The following ATF3 variants were observed in gnomAD, a reference collection of about 807,000 sequenced individuals.
ATF3 encodes the protein cyclic AMP-dependent transcription factor ATF-3.
A neutral mutation model predicts 18.4 loss-of-function variants in ATF3; 10 were observed. The observed-to-expected ratio is 0.54, with a 90% CI of 0.34 to 0.92. The LOEUF is 0.92. Among genes scored for constraint, ATF3 ranks in the 40% least tolerant of loss-of-function variants. The pLI is 0.02. For missense variants in ATF3, 183 were observed against 222.3 expected (o/e 0.82, Z 1.12); for synonymous variants, 78 against 87.9 (o/e 0.89, Z 0.63).
chr1:212,575,785 A>G (rs980679377), intron 1 of ATF3, among the ~76,000 whole-genome samples: 1 of 152,184 alleles, frequency 6.6e-6, no homozygotes, highest in Non-Finnish European at 1.5e-5. Context: ...AAGATAAAAG[A>G]TAAAGGAAAA....
chr1:212,576,109 A>C (rs1001681429), intron 1 of ATF3, among the ~76,000 whole-genome samples: 6 of 152,158 alleles, frequency 3.9e-5, no homozygotes, highest in African/African-American at 1.4e-4. Flanking sequence ...AGATGGAAGA[A>C]CTTTTGATTA....
chr1:212,599,964 G>A (rs942810694), intron 1 of ATF3, among the ~76,000 whole-genome samples: 6 of 152,204 alleles, frequency 3.9e-5, no homozygotes, highest in Non-Finnish European at 7.3e-5. Flanking sequence ...CGAAAGTGAG[G>A]GAAGCTCAGT....
At chr1:212,575,753 C>G (rs1664566679) in intron 1 of ATF3, among the ~76,000 whole-genome samples, 1 of 152,082 alleles carries the variant, frequency 6.6e-6, no homozygotes, top group Non-Finnish European at 1.5e-5. Flanking sequence ...AATGCCTTTT[C>G]TGCATTTCTT....
chr1:212,566,310 T>C (rs1358775931), intron 1 of ATF3, among the ~76,000 whole-genome samples: 1 of 152,142 alleles, frequency 6.6e-6, no homozygotes, highest in Non-Finnish European at 1.5e-5. Context: ...GGTTCTGTTG[T>C]TGGCACACCA....
intron 1 of ATF3, among the ~76,000 whole-genome samples, chr1:212,572,464 A>G (rs1364065884): frequency 1.3e-5 from 2 of 152,216 alleles, no homozygotes; most frequent in African/African-American, 2.4e-5. Flanking sequence ...GGTTGCAGTG[A>G]GCTGAGATTG....
chr1:212,609,823 C>T (rs1055494111), intron 1 of ATF3, among the ~76,000 whole-genome samples: 3 of 152,228 alleles, frequency 2.0e-5, no homozygotes, highest in Admixed American at 6.5e-5. Context: ...GCTTACACTG[C>T]AATCGATGTC....
chr1:212,616,280 CA>C (rs1322404497), intron 2 of ATF3, among the ~76,000 whole-genome samples: 1 of 151,338 alleles, frequency 6.6e-6, no homozygotes, highest in Non-Finnish European at 1.5e-5. Flanking sequence ...AACACACACA[CA>C]CACACACAGA....
At chr1:212,587,337 T>C (rs1664798413) in intron 1 of ATF3, among the ~76,000 whole-genome samples, 1 of 152,262 alleles carries the variant, frequency 6.6e-6, no homozygotes, top group African/African-American at 2.4e-5. Flanking sequence ...TATGGAAAGC[T>C]GACCTGAGAA....
Position 212,619,638 on chromosome 1 carries a change from T to C in ATF3, c.*83T>C. 1 of 1,544,454 alleles carries C rather than the reference T, an allele frequency of 6.5e-7. No individual in the cohort carries two copies. Among genetic ancestry groups the C allele is most frequent in the East Asian group, 2.3e-5 (1 of 42,658 alleles). ...AAACCCTGAAGCCATTGGAGAGCTG[T>C]CTTCCTGTGTACCTCTAGAATCCCA... On this transcript the variant is annotated 3_prime_UTR_variant, in exon 4 of 4. Coordinates refer to ENST00000341491, the MANE Select transcript of ATF3 (RefSeq NM_001674.4). The surrounding 1 kb of genome is among the most constrained non-coding windows in gnomAD (Gnocchi z 4.4).
At chr1:212,591,713 G>T (rs1032464847) in intron 1 of ATF3, among the ~76,000 whole-genome samples, 6 of 152,258 alleles carry the variant, frequency 3.9e-5, no homozygotes, top group Middle Eastern at 3.4e-3. Context: ...TCATATACCT[G>T]AAATCCAGCT....
At chr1:212,588,811 T>C (rs997349514) in intron 1 of ATF3, among the ~76,000 whole-genome samples, 1 of 152,186 alleles carries the variant, frequency 6.6e-6, no homozygotes, top group African/African-American at 2.4e-5. Flanking sequence ...TCTTTCTTAT[T>C]TTGGACATTT....
At chr1:212,576,387 T>C (rs1048061600) in intron 1 of ATF3, among the ~76,000 whole-genome samples, 7 of 152,150 alleles carry the variant, frequency 4.6e-5, no homozygotes, top group Middle Eastern at 3.4e-3. Context: ...TTCAAAAAAC[T>C]AACTTTGTGT....
intron 1 of ATF3, among the ~76,000 whole-genome samples, chr1:212,590,151 A>T (rs998092660): frequency 1.3e-5 from 2 of 152,150 alleles, no homozygotes; most frequent in Admixed American, 6.5e-5. Context: ...TTTGTAAAAC[A>T]ATATAGGAAC....
upstream of ATF3, among the ~76,000 whole-genome samples, chr1:212,607,723 C>A (rs943275887): frequency 6.6e-6 from 1 of 152,330 alleles, no homozygotes; most frequent in Middle Eastern, 3.4e-3. Context: ...GCGGGGCGAC[C>A]CCCAGGCCTG....
At chr1:212,589,556 C>T (rs556362246) in intron 1 of ATF3, among the ~76,000 whole-genome samples, 2 of 152,100 alleles carry the variant, frequency 1.3e-5, no homozygotes, top group Admixed American at 1.3e-4. Flanking sequence ...CCAAAGAGCA[C>T]CTGTAATCCC....
At chr1:212,588,740 T>G (rs1274882350) in intron 1 of ATF3, among the ~76,000 whole-genome samples, 1 of 152,204 alleles carries the variant, frequency 6.6e-6, no homozygotes, top group African/African-American at 2.4e-5. Flanking sequence ...TTCTCCATAT[T>G]TATAAATCAT....
chr1:212,600,489 G>C (rs563772170), intron 1 of ATF3, among the ~76,000 whole-genome samples: 2 of 152,300 alleles, frequency 1.3e-5, no homozygotes, highest in South Asian at 4.1e-4. Context: ...TGTGGGTCTG[G>C]CATGTGCCTG....
chr1:212,580,248 CCTT>C (rs1664657970), intron 1 of ATF3, among the ~76,000 whole-genome samples: 1 of 152,168 alleles, frequency 6.6e-6, no homozygotes, highest in East Asian at 1.9e-4. Context: ...TTACTTGTAT[CCTT>C]CTTCTCTACA....
At chr1:212,574,020 C>T (rs1015187074) in intron 1 of ATF3, among the ~76,000 whole-genome samples, 1 of 151,162 alleles carries the variant, frequency 6.6e-6, no homozygotes, top group African/African-American at 2.4e-5. Context: ...GAATTAATTC[C>T]GTAAGTTTTC....
Sources: allele counts gnomAD v4.1 joint callset (sites outside exome capture counted in the v4.1 genomes callset), GRCh38; gene constraint gnomAD v4.1.1; non-coding constraint Gnocchi (gnomAD v3.1); transcripts MANE v1.5; gene names NCBI Gene and HGNC (gene_info 2026-07-23, HGNC 2026-07-21).